Variants in CRACD observed in about 807,000 individuals in gnomAD.
CRACD encodes capping protein inhibiting regulator of actin dynamics.
A neutral mutation model predicts 106.8 loss-of-function variants in CRACD; 56 were observed. That is an observed-to-expected ratio of 0.52 (90% confidence interval 0.42 to 0.66). The LOEUF is 0.66. CRACD is among the 30% of genes least tolerant of loss of function. The pLI is 0.00. For missense variants in CRACD, 1,730 were observed against 1,623.2 expected, an observed-to-expected ratio of 1.07 and a Z score of -1.13; for synonymous variants, 754 against 670.8, an observed-to-expected ratio of 1.12 and a Z score of -1.92.
chr4:56,231,923 C>T (rs547182165), intron 2 of CRACD, among the ~76,000 whole-genome samples: 1 of 152,262 alleles, frequency 6.6e-6, no homozygotes, highest in South Asian at 2.1e-4. Flanking sequence ...GATTAAGTCA[C>T]TAAAGAACAT....
chr4:56,317,432 A>G (rs1330402413), intron 8 of CRACD, among the ~76,000 whole-genome samples: 1 of 152,208 alleles, frequency 6.6e-6, no homozygotes, highest in African/African-American at 2.4e-5. Context: ...ACTCTTGATA[A>G]TGATACTTAT....
At chr4:56,304,862 CAAA>C (rs2109739525) in intron 4 of CRACD, among the ~76,000 whole-genome samples, 1 of 152,146 alleles carries the variant, frequency 6.6e-6, no homozygotes, top group South Asian at 2.1e-4. Flanking sequence ...GTGATGATGG[CAAA>C]AATCCTAATT....
chr4:56,313,529 A>G, intron 7 of CRACD, 150 bp downstream of exon 7: 2 of 707,916 alleles, frequency 2.8e-6, no homozygotes. Context: ...TGGGGAATAC[A>G]CAGGCCTGTT....
In CRACD at chr4:56,314,955, G is replaced by A; in HGVS notation, c.1453G>A (p.Glu485Lys). The A allele has an allele frequency of 6.3e-7, 1 of 1,593,208 alleles. No individual in the cohort carries two copies. The highest frequency in any genetic ancestry group is 8.5e-7 in the Non-Finnish European group (1 of 1,171,332). The change falls in exon 8 of 11, where the codon GAA (glutamate) becomes AAA (lysine). Residue 485 changes from glutamate to lysine, a missense_variant. Transcript: ENST00000682029. The surrounding 1 kb of genome is among the most constrained non-coding windows in gnomAD (Gnocchi z 4.4). Reference sequence around the variant, plus strand: ...TCCTGGGCCCGAGGAAAAGAGAGAAGAAGGGGACACGGAGCCTCTCCTGAA... The same window carrying A: ...TCCTGGGCCCGAGGAAAAGAGAGAAAAAGGGGACACGGAGCCTCTCCTGAA... Reference protein sequence around the residue: ...DRPGPEEKREEGDTEPLLKQE... With the variant: ...DRPGPEEKREKGDTEPLLKQE...
chr4:56,114,418 T>G (rs547585509), intron 1 of CRACD, among the ~76,000 whole-genome samples: 1 of 152,118 alleles, frequency 6.6e-6, no homozygotes, highest in South Asian at 2.1e-4. Context: ...CTGCTTACAT[T>G]TCATTGGCCA....
intron 8 of CRACD, among the ~76,000 whole-genome samples, chr4:56,318,864 T>C (rs1745857827): frequency 6.6e-6 from 1 of 152,228 alleles, no homozygotes; most frequent in South Asian, 2.1e-4. Flanking sequence ...CTAAAACCCC[T>C]GGAGCACCAG....
intron 2 of CRACD, among the ~76,000 whole-genome samples, chr4:56,242,298 T>A (rs552125698): frequency 6.6e-6 from 1 of 152,272 alleles, no homozygotes; most frequent in African/African-American, 2.4e-5. Context: ...AATAAAACCA[T>A]CCTTATTTTA....
intron 1 of CRACD, among the ~76,000 whole-genome samples, chr4:56,151,280 G>A (rs1005808340): frequency 1.3e-5 from 2 of 152,158 alleles, no homozygotes; most frequent in Admixed American, 6.5e-5. Flanking sequence ...GATTACATGC[G>A]TGAGCCACCT....
rs1219160052 is a variant in CRACD, at chr4:56,324,277, G to A, written c.3541+11G>A. The A allele has an allele frequency of 1.2e-6, 2 of 1,606,836 alleles. No individual in the cohort carries two copies. Among genetic ancestry groups the A allele is most frequent in the Non-Finnish European group, 1.7e-6 (2 of 1,175,888 alleles). On this transcript the variant is annotated intron_variant, in intron 10 of 10. Coordinates refer to ENST00000682029, the MANE Select transcript of CRACD (RefSeq NM_001393381.1). ...CTACGTCTGTGACAGGTAGAGAGCAGGTCCATTGCTTTGTAACTGTAGTTC... is the reference window on the plus strand; with the variant it reads ...CTACGTCTGTGACAGGTAGAGAGCAAGTCCATTGCTTTGTAACTGTAGTTC...
chr4:56,144,660 C>CTT (rs59754348), intron 1 of CRACD, among the ~76,000 whole-genome samples: 1,626 of 143,410 alleles, frequency 0.011, 88 homozygotes, highest in Admixed American at 0.091. Context: ...CTTTCTTCTT[C>CTT]TTTTTTTTTT....
At chr4:56,181,158 A>C (rs1423037644) in intron 2 of CRACD, among the ~76,000 whole-genome samples, 5 of 152,234 alleles carry the variant, frequency 3.3e-5, no homozygotes, top group African/African-American at 1.2e-4. Flanking sequence ...CACTGAGAAC[A>C]TGGAGAAAAG....
intron 1 of CRACD, among the ~76,000 whole-genome samples, chr4:56,054,347 AT>A (rs1182866657): frequency 6.6e-6 from 1 of 152,018 alleles, no homozygotes; most frequent in Non-Finnish European, 1.5e-5. Flanking sequence ...CATCTGGTTA[AT>A]TATTTTTTGT....
At chr4:56,207,015 C>T (rs1738153832) in intron 2 of CRACD, among the ~76,000 whole-genome samples, 1 of 152,076 alleles carries the variant, frequency 6.6e-6, no homozygotes, top group Non-Finnish European at 1.5e-5. Context: ...AGGATAATAC[C>T]ACGAGTTTGG....
At chr4:56,320,025 T>A (rs950105599) in intron 8 of CRACD, among the ~76,000 whole-genome samples, 1 of 151,774 alleles carries the variant, frequency 6.6e-6, no homozygotes, top group African/African-American at 2.4e-5. Context: ...ATACAAAAAT[T>A]AGCCAGGTGT....
intron 2 of CRACD, among the ~76,000 whole-genome samples, chr4:56,187,089 G>A (rs75254237): frequency 0.021 from 3,124 of 151,886 alleles, 41 homozygotes; most frequent in Middle Eastern, 0.031. Flanking sequence ...AAAACAACCA[G>A]AGGCTTTGAA....
chr4:56,187,233 G>A (rs1382089869), intron 2 of CRACD, among the ~76,000 whole-genome samples: 1 of 152,132 alleles, frequency 6.6e-6, no homozygotes, highest in Non-Finnish European at 1.5e-5. Flanking sequence ...TGATATTTGA[G>A]AGAGTTTTGC....
At position 56,314,320 on chromosome 4, in the gene CRACD, A is replaced by AGG; in HGVS notation, c.820_821dup (p.Glu275AlafsTer8). On this transcript the variant is annotated frameshift_variant, in exon 8 of 11. Transcript: ENST00000682029. LOFTEE classifies it high-confidence loss of function. This position sits in a 1 kb window ranked among gnomAD's most constrained non-coding sequence, Gnocchi z 4.4. ...AGAAGGCAGGAGCTCTTGGAGGAGG[A>AGG]GGGCGAGGGGCAGGAGCCGCCTCTA... 1 of 1,551,714 alleles carries AGG rather than the reference A, an allele frequency of 6.4e-7. No individual in the cohort carries two copies. Among genetic ancestry groups the AGG allele is most frequent in the Non-Finnish European group, 8.7e-7 (1 of 1,147,380 alleles).
intron 2 of CRACD, among the ~76,000 whole-genome samples, chr4:56,183,252 A>AAATAAAAT: frequency 3.5e-5 from 5 of 141,972 alleles, no homozygotes; most frequent in African/African-American, 1.3e-4. Flanking sequence ...AAATAAAATA[A>AAATAAAAT]AATAAAATAA....
chr4:56,285,987 G>C (rs1356947417), intron 3 of CRACD, among the ~76,000 whole-genome samples: 2 of 152,092 alleles, frequency 1.3e-5, no homozygotes, highest in Non-Finnish European at 2.9e-5. Flanking sequence ...GTACTTTAGG[G>C]CTCTGGCATG....
Sources: gnomAD v4.1 joint callset for allele counts (sites outside exome capture counted in the v4.1 genomes callset) on GRCh38, gnomAD v4.1.1 for gene constraint, Gnocchi (gnomAD v3.1) non-coding constraint, MANE v1.5 for transcripts, NCBI Gene and HGNC (gene_info 2026-07-23, HGNC 2026-07-21) for gene names.